Variants in LARS2 observed in about 807,000 individuals in gnomAD.
LARS2 encodes the protein leucyl-tRNA synthetase 2, mitochondrial, also known as leucine--tRNA ligase, mitochondrial.
LARS2 carries 81 observed loss-of-function variants against 116.6 expected under a neutral mutation model. The ratio of observed to expected loss-of-function variants is 0.69; its 90% CI spans 0.58 to 0.84. The LOEUF (loss-of-function observed/expected upper bound fraction) is 0.84. Ranked by LOEUF, LARS2 falls within the 40% of genes least tolerant of loss-of-function variation. LARS2 has a pLI of 0.00. For synonymous variants in LARS2, 396 were observed against 407.2 expected (o/e 0.97, Z 0.33); for missense variants, 968 against 1,114.5 (o/e 0.87, Z 1.87).
intron 6 of LARS2, among the ~76,000 whole-genome samples, chr3:45,441,687 G>A (rs997310203): frequency 3.3e-5 from 5 of 152,122 alleles, no homozygotes; most frequent in East Asian, 1.9e-4. Flanking sequence ...GTAGGCCTCC[G>A]TGCCTCAGCC....
chr3:45,483,674 A>G (rs1699744260), intron 10 of LARS2, among the ~76,000 whole-genome samples: 1 of 152,122 alleles, frequency 6.6e-6, no homozygotes, highest in African/African-American at 2.4e-5. Context: ...AAAAGATAGT[A>G]TGGAATCAGA....
chr3:45,508,004 G>A (rs1434816789), intron 15 of LARS2, among the ~76,000 whole-genome samples: 6 of 152,024 alleles, frequency 3.9e-5, no homozygotes, highest in African/African-American at 9.7e-5. Context: ...ACATTAGAGC[G>A]TGGGAACATG....
At chr3:45,394,306 A>G in intron 2 of LARS2, 127 bp from the exon 3 acceptor site, 1 of 608,498 alleles carries the variant, frequency 1.6e-6, no homozygotes. Flanking sequence ...TATTCTTTTC[A>G]GGGAAAGAAA....
At chr3:45,407,131 C>T (rs1263704470) in intron 4 of LARS2, among the ~76,000 whole-genome samples, 2 of 151,974 alleles carry the variant, frequency 1.3e-5, no homozygotes, top group East Asian at 1.9e-4. Flanking sequence ...CTATTCACTG[C>T]GGAGGAGGAA....
intron 4 of LARS2, among the ~76,000 whole-genome samples, chr3:45,401,812 C>T (rs1698158462): frequency 6.6e-6 from 1 of 152,074 alleles, no homozygotes; most frequent in Non-Finnish European, 1.5e-5. Flanking sequence ...GACAGGGTTT[C>T]ACCATGTTGT....
rs147315853 is a variant in LARS2 at position 45,502,556 on chromosome 3, G to A, written c.1760+1977G>A. Reference sequence around the variant, plus strand: ...GGATCTTTATTCTGGGACTACAGGCGCCCACCAGCACGCCCAGCTAATTTT... The same window carrying A: ...GGATCTTTATTCTGGGACTACAGGCACCCACCAGCACGCCCAGCTAATTTT... On this transcript the variant is annotated intron_variant, in intron 15 of 21. Transcript: ENST00000645846. 1.2e-4 allele frequency among the ~76,000 whole-genome samples: 19 copies of A among 152,042 alleles called. No individual in the cohort carries two copies. In the East Asian group the frequency reaches 3.3e-3, roughly 26 times the overall value.
rs954415312 is a variant in LARS2 at position 45,399,490 on chromosome 3, TG to T, written c.235-754del. Among the ~76,000 whole-genome samples, 98 of 152,268 alleles carry T rather than the reference TG, an allele frequency of 6.4e-4. 1 individual carries two copies. Among genetic ancestry groups the T allele is most frequent in the Non-Finnish European group, 1.1e-3 (75 of 68,002 alleles). On this transcript the variant is annotated intron_variant, in intron 3 of 21. Coordinates refer to ENST00000645846, the MANE Select transcript of LARS2 (RefSeq NM_015340.4). ...TTTTTTGTTTTGTTTTGTTTTGTTT[TG>T]TTTTTTTAATGGAGTAGCCATTCTT... is the stretch of plus-strand genomic sequence containing the variant.
chr3:45,511,729 T>A (rs890489079), intron 15 of LARS2, among the ~76,000 whole-genome samples: 5 of 151,824 alleles, frequency 3.3e-5, no homozygotes, highest in Admixed American at 6.6e-5. Flanking sequence ...AAGAATAGGA[T>A]TCCTTGGATT....
intron 20 of LARS2, among the ~76,000 whole-genome samples, chr3:45,524,894 TAAG>T (rs1259588259): frequency 6.6e-6 from 1 of 152,224 alleles, no homozygotes; most frequent in Non-Finnish European, 1.5e-5. Flanking sequence ...GCTTGAGTGA[TAAG>T]AAGAATTTGA....
At chr3:45,413,083 C>T (rs747648731) in intron 4 of LARS2, among the ~76,000 whole-genome samples, 5 of 152,184 alleles carry the variant, frequency 3.3e-5, no homozygotes, top group African/African-American at 4.8e-5. Context: ...CTTGATTGGC[C>T]CTTTGAGCCT....
At chr3:45,408,210 C>A (rs944941562) in intron 4 of LARS2, among the ~76,000 whole-genome samples, 2 of 152,234 alleles carry the variant, frequency 1.3e-5, no homozygotes, top group African/African-American at 2.4e-5. Context: ...ATCCATCCTG[C>A]CTGCCAACTC....
intron 4 of LARS2, among the ~76,000 whole-genome samples, chr3:45,408,620 C>A (rs1243643803): frequency 6.6e-6 from 1 of 152,216 alleles, no homozygotes; most frequent in Non-Finnish European, 1.5e-5. Flanking sequence ...CTCTCTCTCT[C>A]TGCCCTGGTT....
intron 8 of LARS2, among the ~76,000 whole-genome samples, chr3:45,464,330 G>A (rs1351799544): frequency 6.6e-6 from 1 of 152,144 alleles, no homozygotes; most frequent in East Asian, 1.9e-4. Flanking sequence ...CAGCCTCCAA[G>A]AGTCATCTGG....
At chr3:45,454,179 G>C (rs1699179007) in intron 7 of LARS2, among the ~76,000 whole-genome samples, 4 of 152,126 alleles carry the variant, frequency 2.6e-5, no homozygotes, top group Admixed American at 2.0e-4. Flanking sequence ...AAAATTAGGA[G>C]AATACTGCCC....
chr3:45,455,083 C>T (rs996666582), intron 7 of LARS2, among the ~76,000 whole-genome samples: 1 of 151,172 alleles, frequency 6.6e-6, no homozygotes, highest in Non-Finnish European at 1.5e-5. Context: ...CCCCTTCCCC[C>T]CAAGTCTTTC....
At chr3:45,469,203 A>G (rs1699481091) in intron 8 of LARS2, among the ~76,000 whole-genome samples, 2 of 152,230 alleles carry the variant, frequency 1.3e-5, no homozygotes, top group Non-Finnish European at 2.9e-5. Flanking sequence ...TGATGCTACA[A>G]CAAATGGATT....
intron 4 of LARS2, among the ~76,000 whole-genome samples, chr3:45,404,708 G>A (rs2125678353): frequency 6.6e-6 from 1 of 152,252 alleles, no homozygotes; most frequent in South Asian, 2.1e-4. Context: ...CAGTTCTCCT[G>A]CCTCAGCCTC....
At chr3:45,488,042 C>T (rs996374040) in intron 11 of LARS2, among the ~76,000 whole-genome samples, 2 of 151,980 alleles carry the variant, frequency 1.3e-5, no homozygotes, top group African/African-American at 2.4e-5. Context: ...CTGCCCTCTG[C>T]CACTGAGGGA....
chr3:45,514,284 G>A (rs2125751714), intron 16 of LARS2, among the ~76,000 whole-genome samples: 2 of 152,210 alleles, frequency 1.3e-5, no homozygotes, highest in South Asian at 4.2e-4. Context: ...CCCCAGCACT[G>A]TGACCATTAC....
Sources: allele counts gnomAD v4.1 joint callset (sites outside exome capture counted in the v4.1 genomes callset), GRCh38; gene constraint gnomAD v4.1.1; transcripts MANE v1.5; gene names NCBI Gene and HGNC (gene_info 2026-07-23, HGNC 2026-07-21).